The following AFF3 variants were observed in gnomAD, a reference collection of about 807,000 sequenced individuals.
AFF3 encodes ALF transcription elongation factor 3, also known as AF4/FMR2 family member 3.
In AFF3, 32 loss-of-function variants were observed where a neutral mutation model predicts 129.7. The observed-to-expected ratio is 0.25, with a 90% CI of 0.19 to 0.33. The LOEUF is 0.33. AFF3 is among the 10% of genes least tolerant of loss of function. AFF3 has a pLI of 1.00. For missense variants in AFF3, 1,373 were observed against 1,592.0 expected (o/e 0.86, Z 2.34); for synonymous variants, 644 against 635.4 (o/e 1.01, Z -0.20).
At chr2:100,058,121 AAC>A (rs1686955836) in intron 4 of AFF3, among the ~76,000 whole-genome samples, 2 of 152,366 alleles carry the variant, frequency 1.3e-5, no homozygotes, top group East Asian at 3.9e-4. Flanking sequence ...CAAAAACAGT[AAC>A]CATTTACTGA....
intron 7 of AFF3, among the ~76,000 whole-genome samples, 193 bp from the exon 8 acceptor site, chr2:99,837,717 C>A (rs945976114): frequency 1.3e-4 from 20 of 152,074 alleles, no homozygotes; most frequent in African/African-American, 4.8e-4. Flanking sequence ...GCTGCTCCCC[C>A]TTCTCTGGCT....
intron 21 of AFF3, 100 bp downstream of exon 21, chr2:99,560,265 T>C: frequency 1.5e-6 from 2 of 1,305,044 alleles, no homozygotes; most frequent in Non-Finnish European, 2.2e-6. Context: ...GCTTTGTATG[T>C]TAGAAGACAT....
intron 11 of AFF3, among the ~76,000 whole-genome samples, chr2:99,690,117 A>T (rs1675459040): frequency 6.7e-6 from 1 of 148,998 alleles, no homozygotes; most frequent in South Asian, 2.1e-4. Context: ...CACCCCCAAA[A>T]AAACCCCACA....
intron 19 of AFF3, among the ~76,000 whole-genome samples, chr2:99,566,300 AGAGT>A (rs1255666928): frequency 6.6e-6 from 1 of 151,626 alleles, no homozygotes; most frequent in African/African-American, 2.4e-5. Context: ...CTTAAGAGTG[AGAGT>A]GAGTAGGGGA....
In AFF3 at chr2:100,000,506, A is replaced by ACG. The variant is rs771715492; in HGVS notation, c.873+6124_873+6125dup. On this transcript the variant is annotated intron_variant, in intron 7 of 24. Transcript: ENST00000672756. ...TTGTAGAATTTCATCTCTCTCTAGC[A>ACG]CGCGCGCACACACACACACACACAC... Among the ~76,000 whole-genome samples the ACG allele has an allele frequency of 8.5e-5, 12 of 140,810 alleles. No homozygotes were observed. In the South Asian group the frequency reaches 1.1e-3, roughly 13 times the overall value. 92.4% of individuals were successfully genotyped at this position (140,810 alleles called of 152,430 possible).
intron 7 of AFF3, among the ~76,000 whole-genome samples, chr2:99,910,971 G>A (rs1695071097): frequency 6.6e-6 from 1 of 152,212 alleles, no homozygotes; most frequent in Non-Finnish European, 1.5e-5. Context: ...AGCTCACTCT[G>A]ATATTTGGTG....
chr2:99,975,827 A>G (rs1678828335), intron 7 of AFF3, among the ~76,000 whole-genome samples: 1 of 145,702 alleles, frequency 6.9e-6, no homozygotes, highest in Non-Finnish European at 1.5e-5. Flanking sequence ...CATTTCATTT[A>G]ATTCTGGAAA....
intron 13 of AFF3, among the ~76,000 whole-genome samples, chr2:99,630,169 G>C (rs774622400): frequency 6.6e-6 from 1 of 152,162 alleles, no homozygotes; most frequent in Non-Finnish European, 1.5e-5. Context: ...AGACTTCCAG[G>C]AGATGCTCTT....
chr2:100,000,569 CT>C (rs1338975276), intron 7 of AFF3, among the ~76,000 whole-genome samples: 1 of 152,096 alleles, frequency 6.6e-6, no homozygotes, highest in Non-Finnish European at 1.5e-5. Context: ...AATATACTCG[CT>C]TTTCTATTTT....
chr2:99,671,355 CCTT>C lies in AFF3; in HGVS notation c.1143+1180_1143+1182del, dbSNP rs904815761. ...TGTAAAACACTCGAAGCCTGAGTGG[CCTT>C]CTTTGCCCAGTTAACCTTCTTCCAC... On this transcript the variant is annotated intron_variant, in intron 12 of 24. Transcript: ENST00000672756. 4.3e-4 allele frequency among the ~76,000 whole-genome samples: 66 copies of C among 152,162 alleles called. No homozygotes were observed. The Middle Eastern group carries it at 0.01, about 24-fold the overall frequency.
chr2:100,056,054 G>GTC lies in AFF3; in HGVS notation c.54-47124_54-47123dup, dbSNP rs57491016. 8.7e-4 allele frequency among the ~76,000 whole-genome samples: 118 copies of GTC among 135,690 alleles called. 2 individuals carry two copies. The highest frequency in any genetic ancestry group is 3.9e-3 in the Middle Eastern group (1 of 254). The allele number at this position is 135,690 out of a possible 152,430, so 89.0% of individuals were successfully genotyped here. ...ACTTAGAACAAAAAAAAAAATCGCT[G>GTC]TCTCTCTCTCACACACACACACACA... On this transcript the variant is annotated intron_variant, in intron 4 of 24. Transcript: ENST00000672756.
At chr2:99,694,851 C>T (rs1006901314) in intron 11 of AFF3, among the ~76,000 whole-genome samples, 2 of 151,930 alleles carry the variant, frequency 1.3e-5, no homozygotes, top group African/African-American at 4.8e-5. Context: ...GGATTACAGG[C>T]GCGTGCCACA....
intron 10 of AFF3, among the ~76,000 whole-genome samples, chr2:99,739,798 C>CT (rs959932809): frequency 8.6e-5 from 13 of 151,638 alleles, no homozygotes; most frequent in Admixed American, 1.3e-4. Context: ...TTCTCTATTT[C>CT]TTTTTTTTAA....
chr2:99,943,053 C>T (rs1042795871), intron 7 of AFF3, among the ~76,000 whole-genome samples: 1 of 152,184 alleles, frequency 6.6e-6, no homozygotes, highest in African/African-American at 2.4e-5. Flanking sequence ...ACCCAGGCTG[C>T]TTTCAGATCA....
At chr2:99,805,987 T>C (rs1399996104) in intron 8 of AFF3, among the ~76,000 whole-genome samples, 1 of 151,870 alleles carries the variant, frequency 6.6e-6, no homozygotes, top group African/African-American at 2.4e-5. Flanking sequence ...CATTCTCAAA[T>C]GACAACTTAT....
intron 7 of AFF3, among the ~76,000 whole-genome samples, chr2:99,968,502 C>CT (rs575635443): frequency 6.6e-6 from 1 of 152,154 alleles, no homozygotes; most frequent in South Asian, 2.1e-4. Context: ...TAAAGCAAAT[C>CT]TTTTTTTTCT....
intron 10 of AFF3, among the ~76,000 whole-genome samples, chr2:99,739,187 G>A (rs2105097345): frequency 6.6e-6 from 1 of 151,974 alleles, no homozygotes; most frequent in East Asian, 1.9e-4. Flanking sequence ...TTCTCTCTTG[G>A]GGTCCAGTGG....
At position 100,029,675 on chromosome 2, in the gene AFF3, A is replaced by T. The variant is rs12996621; in HGVS notation, c.54-20743T>A. ...GGGATGCAGGGAGTGGGAAAACAGC[A>T]TTTGTTGTTTAATAGATATAATTTC... On this transcript the variant is annotated intron_variant, in intron 4 of 24. Transcript: ENST00000672756. Among the ~76,000 whole-genome samples, 190 of 152,220 alleles carry T rather than the reference A, an allele frequency of 1.2e-3. 1 individual carries two copies. The highest frequency in any genetic ancestry group is 4.4e-3 in the African/African-American group (184 of 41,566).
At chr2:99,989,470 C>T (rs948959275) in intron 7 of AFF3, among the ~76,000 whole-genome samples, 1 of 152,214 alleles carries the variant, frequency 6.6e-6, no homozygotes, top group South Asian at 2.1e-4. Context: ...GAACAGAATA[C>T]AGGGCTGAGC....
Sources: gnomAD v4.1 joint callset for allele counts (sites outside exome capture counted in the v4.1 genomes callset) on GRCh38, gnomAD v4.1.1 for gene constraint, MANE v1.5 for transcripts, NCBI Gene and HGNC (gene_info 2026-07-23, HGNC 2026-07-21) for gene names.